The following KIRREL3 variants were observed in gnomAD, a reference collection of about 807,000 sequenced individuals.
The protein encoded by KIRREL3 is kin of IRRE-like protein 3.
Under a neutral mutation model 89.7 loss-of-function variants are expected in KIRREL3, and 36 were observed. That is an observed-to-expected ratio of 0.40 (90% confidence interval 0.31 to 0.53). The LOEUF is 0.53. KIRREL3 is among the 20% of genes least tolerant of loss of function. The probability of loss-of-function intolerance (pLI) is 0.49; values close to 1 mark genes in which losing one functional copy is unlikely to be tolerated. For synonymous variants in KIRREL3, 445 were observed against 441.4 expected, an observed-to-expected ratio of 1.01 and a Z score of -0.10; for missense variants, 864 against 1,056.6, an observed-to-expected ratio of 0.82 and a Z score of 2.53.
chr11:126,998,508 C>T (rs1950233499), intron 1 of KIRREL3, among the ~76,000 whole-genome samples: 1 of 152,154 alleles, frequency 6.6e-6, no homozygotes, highest in Non-Finnish European at 1.5e-5. Flanking sequence ...TCCAGGAGCA[C>T]AAGGCATTAA....
intron 6 of KIRREL3, among the ~76,000 whole-genome samples, chr11:126,458,446 C>T (rs1956444166): frequency 8.2e-6 from 1 of 121,446 alleles, no homozygotes; most frequent in South Asian, 2.9e-4. Flanking sequence ...AAGCTGCAGA[C>T]CGAGCCGGCC....
rs1241010023 is a variant in KIRREL3, at chr11:126,575,881, C to T, written c.56-12969G>A. On this transcript the variant is annotated intron_variant, in intron 1 of 16. Coordinates refer to ENST00000525144, the MANE Select transcript of KIRREL3 (RefSeq NM_032531.4). The surrounding 1 kb of genome is among the most constrained non-coding windows in gnomAD (Gnocchi z 7.0). ...TACCCTTGCAGATGGGCATCCCCTC[C>T]TCTGGACACCACCCCCCGCCAACTG... Among the ~76,000 whole-genome samples, 2 of 152,190 alleles carry T rather than the reference C, an allele frequency of 1.3e-5. No homozygotes were observed. The highest frequency in any genetic ancestry group is 2.9e-5 in the Non-Finnish European group (2 of 68,040).
intron 1 of KIRREL3, among the ~76,000 whole-genome samples, chr11:126,895,216 A>C (rs1472744971): frequency 6.6e-6 from 1 of 151,964 alleles, no homozygotes; most frequent in Non-Finnish European, 1.5e-5. Context: ...TAACCCCAGC[A>C]CTTTGGGAGG....
chr11:126,450,566 CGTGT>C (rs1565462337), intron 7 of KIRREL3, among the ~76,000 whole-genome samples: 5 of 114,008 alleles, frequency 4.4e-5, no homozygotes, highest in African/African-American at 1.7e-4. Context: ...TGTGCATGTG[CGTGT>C]GCATGTGTGC....
At chr11:126,926,863 A>C (rs1947740463) in intron 1 of KIRREL3, among the ~76,000 whole-genome samples, 1 of 152,168 alleles carries the variant, frequency 6.6e-6, no homozygotes, top group Non-Finnish European at 1.5e-5. Flanking sequence ...CCCCCATTTT[A>C]GTGGATTTGA....
rs1948109943 is a variant in KIRREL3 at position 126,719,986 on chromosome 11, G to A, written c.56-157074C>T. On this transcript the variant is annotated intron_variant, in intron 1 of 16. Transcript: ENST00000525144. The surrounding 1 kb of genome is among the most constrained non-coding windows in gnomAD (Gnocchi z 4.7). ...TGTGGTCCCTCTGCCTCTGATTTCA[G>A]CTCCTACTCATCCCCCTTTGACTCA... is the stretch of plus-strand genomic sequence containing the variant. Among the ~76,000 whole-genome samples, 1 of 152,120 alleles carries A rather than the reference G, an allele frequency of 6.6e-6. No homozygotes were observed. Among genetic ancestry groups the A allele is most frequent in the South Asian group, 2.1e-4 (1 of 4,828 alleles).
intron 1 of KIRREL3, among the ~76,000 whole-genome samples, chr11:126,604,490 A>G (rs1029217536): frequency 6.6e-6 from 1 of 152,238 alleles, no homozygotes; most frequent in Non-Finnish European, 1.5e-5. Flanking sequence ...AGCCCTACAG[A>G]GAAATTCACT....
chr11:126,759,145 C>T (rs534871155), intron 1 of KIRREL3, among the ~76,000 whole-genome samples: 10 of 152,242 alleles, frequency 6.6e-5, no homozygotes, highest in East Asian at 3.9e-4. Context: ...TCGTTTGAGA[C>T]GAAGTCTTGC....
Position 126,428,392 on chromosome 11 carries a change from T to C in KIRREL3, c.1806+787A>G, listed in dbSNP as rs114629725. ...GGGATTCGGAAGAGGAGGAGCAGGC[T>C]TGATGTGCCTGGAGAAGTGATGAGT... On this transcript the variant is annotated intron_variant, in intron 15 of 16. Coordinates refer to ENST00000525144, the MANE Select transcript of KIRREL3 (RefSeq NM_032531.4). The surrounding 1 kb of genome is among the most constrained non-coding windows in gnomAD (Gnocchi z 6.4). Among the ~76,000 whole-genome samples the C allele has an allele frequency of 0.021, 3,138 of 152,212 alleles. 106 individuals are homozygous for C. The highest frequency in any genetic ancestry group is 0.068 in the African/African-American group (2,839 of 41,522).
Position 126,513,888 on chromosome 11 carries a change from G to A in KIRREL3, c.433+7427C>T, listed in dbSNP as rs983809469. ...GAACCCACAGGGTGGACCTCAGGGA[G>A]CTATAATATAACTTAGAGGTGAGAG... is the stretch of plus-strand genomic sequence containing the variant. On this transcript the variant is annotated intron_variant, in intron 4 of 16. Transcript: ENST00000525144. This position sits in a 1 kb window ranked among gnomAD's most constrained non-coding sequence, Gnocchi z 5.9. Among the ~76,000 whole-genome samples, 7 of 152,308 alleles carry A rather than the reference G, an allele frequency of 4.6e-5. No individual in the cohort carries two copies. The highest frequency in any genetic ancestry group is 1.7e-4 in the African/African-American group (7 of 41,556).
At chr11:126,425,373 G>C (rs550715759) in intron 16 of KIRREL3, among the ~76,000 whole-genome samples, 1 of 152,342 alleles carries the variant, frequency 6.6e-6, no homozygotes, top group African/African-American at 2.4e-5. Flanking sequence ...TTTTTATCCA[G>C]AACATGGATG....
intron 7 of KIRREL3, among the ~76,000 whole-genome samples, chr11:126,453,686 C>T (rs925782695): frequency 6.6e-5 from 10 of 152,150 alleles, no homozygotes; most frequent in Non-Finnish European, 5.9e-5. Context: ...GTGGCCCCTC[C>T]GCCTCCTCCC....
At chr11:126,784,769 C>T (rs530132403) in intron 1 of KIRREL3, among the ~76,000 whole-genome samples, 9 of 152,186 alleles carry the variant, frequency 5.9e-5, no homozygotes, top group Admixed American at 2.6e-4. Flanking sequence ...GGTAGTCCTA[C>T]GGTCAGACTT....
Position 126,684,868 on chromosome 11 carries a change from A to T in KIRREL3, c.56-121956T>A, listed in dbSNP as rs1946608222. On this transcript the variant is annotated intron_variant, in intron 1 of 16. Coordinates refer to ENST00000525144, the MANE Select transcript of KIRREL3 (RefSeq NM_032531.4). The surrounding 1 kb of genome is among the most constrained non-coding windows in gnomAD (Gnocchi z 4.2). ...ACCACAGCGGGAGGGACCTGGGAAG[A>T]GGGAGAAGTTGATGGTCTGGTCACT... 6.6e-6 allele frequency among the ~76,000 whole-genome samples: 1 copy of T among 152,106 alleles called. No homozygotes were observed. Among genetic ancestry groups the T allele is most frequent in the Non-Finnish European group, 1.5e-5 (1 of 68,014 alleles).
rs139465901 is a variant in KIRREL3, at chr11:126,528,801, G to A, written c.134-2114C>T. Among the ~76,000 whole-genome samples the A allele has an allele frequency of 2.7e-3, 409 of 148,898 alleles. 3 individuals are homozygous for A. The highest frequency in any genetic ancestry group is 9.3e-3 in the African/African-American group (372 of 40,136). ...TGAAGTGAGGACGTGGGAGAGAAGA[G>A]GAGAGGGAGAGGAAGAGGAGGAAGC... On this transcript the variant is annotated intron_variant, in intron 2 of 16. Transcript: ENST00000525144. This position sits in a 1 kb window ranked among gnomAD's most constrained non-coding sequence, Gnocchi z 4.6.
At chr11:126,648,514 C>G (rs778517734) in intron 1 of KIRREL3, among the ~76,000 whole-genome samples, 1 of 152,220 alleles carries the variant, frequency 6.6e-6, no homozygotes, top group Non-Finnish European at 1.5e-5. Flanking sequence ...TTATATCCCT[C>G]TCCCTGTTTT....
At chr11:126,889,368 T>C (rs1945819593) in intron 1 of KIRREL3, among the ~76,000 whole-genome samples, 1 of 152,240 alleles carries the variant, frequency 6.6e-6, no homozygotes, top group African/African-American at 2.4e-5. Context: ...ATAATTACAT[T>C]GACATTCGTC....
chr11:126,941,745 T>C (rs1948454387), intron 1 of KIRREL3, among the ~76,000 whole-genome samples: 1 of 152,210 alleles, frequency 6.6e-6, no homozygotes, highest in African/African-American at 2.4e-5. Context: ...AAGGGTGCTA[T>C]CCCCAAATCA....
rs1948514401 is a variant in KIRREL3, at chr11:126,943,269, A to G, written c.55+57186T>C. On this transcript the variant is annotated intron_variant, in intron 1 of 16. Coordinates refer to ENST00000525144, the MANE Select transcript of KIRREL3 (RefSeq NM_032531.4). The surrounding 1 kb of genome is among the most constrained non-coding windows in gnomAD (Gnocchi z 4.2). ...TCACCGTCATTCTTTCTCTCTTCTC[A>G]CTCACTCAATTACAGTTAAAGCCCT... Among the ~76,000 whole-genome samples, 1 of 151,740 alleles carries G rather than the reference A, an allele frequency of 6.6e-6. No individual in the cohort carries two copies. Among genetic ancestry groups the G allele is most frequent in the Non-Finnish European group, 1.5e-5 (1 of 67,988 alleles).
Sources: gnomAD v4.1 joint callset for allele counts (sites outside exome capture counted in the v4.1 genomes callset) on GRCh38, gnomAD v4.1.1 for gene constraint, Gnocchi (gnomAD v3.1) non-coding constraint, MANE v1.5 for transcripts, NCBI Gene and HGNC (gene_info 2026-07-23, HGNC 2026-07-21) for gene names.